MYH11: variants seen among roughly 807,000 people sequenced by gnomAD.
The protein encoded by MYH11 is myosin heavy chain 11, also known as myosin-11.
Under a neutral mutation model 246.6 loss-of-function variants are expected in MYH11, and 80 were observed. That is an observed-to-expected ratio of 0.32 (90% CI 0.27 to 0.39). The LOEUF (loss-of-function observed/expected upper bound fraction) is 0.39, where lower values mean the gene tolerates loss of function less well. Ranked by LOEUF, MYH11 falls within the 10% of genes least tolerant of loss-of-function variation. The pLI is 1.00. For missense variants in MYH11, 2,158 were observed against 2,546.8 expected, an observed-to-expected ratio of 0.85 and a Z score of 3.29; for synonymous variants, 1,071 against 1,015.5, an observed-to-expected ratio of 1.05 and a Z score of -1.04.
Position 15,763,879 on chromosome 16 carries a change from A to C in MYH11, c.1046T>G (p.Val349Gly). ...SEEEQLSILK[V>G]VSSVLQLGNI... is the part of the protein sequence containing the mutation. The stretch of plus-strand genomic sequence containing the variant: ...TCCAAGCTGCAGGACCGATGATACC[A>C]CCTTCAATATGGCTGAGGTGGGGAG... The change falls in exon 10 of 41, where the codon GTG becomes GGG. Residue 349 changes from valine to glycine, a missense_variant. Val to Gly is a moderately radical substitution (Grantham distance 109). Coordinates refer to ENST00000300036, the MANE Select transcript of MYH11 (RefSeq NM_002474.3). 1 of 1,613,184 alleles carries C rather than the reference A, an allele frequency of 6.2e-7. No individual in the cohort carries two copies. Among genetic ancestry groups the C allele is most frequent in the Non-Finnish European group, 8.5e-7 (1 of 1,179,372 alleles).
chr16:15,805,266 G>A (rs2042982744), intron 3 of MYH11, among the ~76,000 whole-genome samples: 1 of 152,168 alleles, frequency 6.6e-6, no homozygotes, highest in South Asian at 2.1e-4. Flanking sequence ...AAAGTGCTTT[G>A]AGAAAACGGT....
chr16:15,821,437 ATGTT>A (rs1447707003), intron 3 of MYH11, among the ~76,000 whole-genome samples: 5 of 152,202 alleles, frequency 3.3e-5, no homozygotes, highest in Non-Finnish European at 1.5e-5. Context: ...ACTTAAATAT[ATGTT>A]TAAGTTTTTC....
At chr16:15,721,144 GA>G (rs760954950) in intron 32 of MYH11, 93 bp from the exon 33 acceptor site, 98 of 1,431,288 alleles carry the variant, frequency 6.8e-5, no homozygotes, top group Non-Finnish European at 8.1e-5. Context: ...GGAGATCAGG[GA>G]GGTGGCTTTG....
At chr16:15,717,046 G>A (rs2040190411) in intron 38 of MYH11, 94 bp downstream of exon 38, 4 of 1,349,996 alleles carry the variant, frequency 3.0e-6, no homozygotes, top group Admixed American at 3.4e-5. Context: ...TTACAAGCCA[G>A]AACTGATGCT....
intron 37 of MYH11, chr16:15,718,025 T>C (rs1010174042): frequency 3.9e-6 from 2 of 509,366 alleles, no homozygotes; most frequent in Admixed American, 3.2e-5. Context: ...GAAAACGCAA[T>C]GAAAGAGCAT....
At chr16:15,804,144 ACTT>A (rs1336732354) in intron 3 of MYH11, among the ~76,000 whole-genome samples, 3 of 151,998 alleles carry the variant, frequency 2.0e-5, no homozygotes, top group African/African-American at 7.3e-5. Flanking sequence ...ACCCACCACC[ACTT>A]CTTCTCTGGC....
intron 40 of MYH11, chr16:15,712,882 G>GTTTTTTTTTTTTTTTTTTTGTTTTTTTT (rs59799809): frequency 1.1e-5 from 1 of 90,636 alleles, no homozygotes; most frequent in Non-Finnish European, 2.3e-5. Context: ...TTCACATACA[G>GTTTTTTTTTTTTTTTTTTTGTTTTTTTT]TTTTTTTTTT....
chr16:15,771,161 AT>A (rs113947945), intron 9 of MYH11, among the ~76,000 whole-genome samples: 4 of 149,236 alleles, frequency 2.7e-5, no homozygotes, highest in Non-Finnish European at 3.0e-5. Context: ...GCCCTGGCTA[AT>A]TTTTTTTTTG....
At chr16:15,845,761 G>A (rs184392628) in intron 1 of MYH11, among the ~76,000 whole-genome samples, 111 of 152,060 alleles carry the variant, frequency 7.3e-4, no homozygotes, top group African/African-American at 2.5e-3. Context: ...TGGAGGATGC[G>A]TAAGAGAAAT....
intron 3 of MYH11, among the ~76,000 whole-genome samples, chr16:15,802,223 G>C (rs973201197): frequency 6.6e-6 from 1 of 152,168 alleles, no homozygotes; most frequent in Admixed American, 6.5e-5. Context: ...TAACAGCTCC[G>C]ATCTCCCGAG....
At chr16:15,816,059 G>A (rs976161642) in intron 3 of MYH11, among the ~76,000 whole-genome samples, 1 of 152,158 alleles carries the variant, frequency 6.6e-6, no homozygotes, top group African/African-American at 2.4e-5. Context: ...AGATATGGAA[G>A]TTCTCAATGC....
chr16:15,748,573 C>G lies in MYH11; in HGVS notation c.2059-405G>C, dbSNP rs1380472426. 3.9e-5 allele frequency among the ~76,000 whole-genome samples: 6 copies of G among 152,152 alleles called. No individual in the cohort carries two copies. In the East Asian group the frequency reaches 1.2e-3, roughly 29 times the overall value. ...TGCCTGGACAACCACAGAAACCACC[C>G]ACCTGGTCTCTCTCTCTGGTCTTGC... On this transcript the variant is annotated intron_variant, in intron 16 of 40. Transcript: ENST00000300036.
intron 9 of MYH11, among the ~76,000 whole-genome samples, chr16:15,766,344 GGT>G (rs3073439): frequency 0.068 from 9,282 of 136,590 alleles, 323 homozygotes; most frequent in African/African-American, 0.11. Context: ...CATGTTTTTT[GGT>G]GTGTGTGTGT....
intron 6 of MYH11, among the ~76,000 whole-genome samples, chr16:15,781,492 C>T (rs973744048): frequency 6.6e-6 from 1 of 152,192 alleles, no homozygotes; most frequent in African/African-American, 2.4e-5. Context: ...CAGAGACCCC[C>T]TTCTCCTGGA....
At chr16:15,724,591 TCAGCG>T in intron 30 of MYH11, 51 bp downstream of exon 30, 1 of 1,612,010 alleles carries the variant, frequency 6.2e-7, no homozygotes, top group Non-Finnish European at 8.5e-7. Context: ...GCGGGGGATC[TCAGCG>T]CAGAGAAGTT....
Position 15,819,032 on chromosome 16 carries a change from C to T in MYH11, c.502+4223G>A, listed in dbSNP as rs144288460. Among the ~76,000 whole-genome samples the T allele has an allele frequency of 2.5e-4, 38 of 152,178 alleles. No individual in the cohort carries two copies. The East Asian group carries it at 4.9e-3, about 19-fold the overall frequency. On this transcript the variant is annotated intron_variant, in intron 3 of 40. Coordinates refer to ENST00000300036, the MANE Select transcript of MYH11 (RefSeq NM_002474.3). ...GTAGCTAGGACTACAGACTCACGCA[C>T]TGTGGCCAGCTAATTATTTTTTTGT...
At position 15,718,181 on chromosome 16, in the gene MYH11, A is replaced by G. The variant is rs1009731755; in HGVS notation, c.5295+134T>C. On this transcript the variant is annotated intron_variant, in intron 37 of 40. Transcript: ENST00000300036. ...GTAAGGGCCCTGGATCTCTACTCTC[A>G]GGCCCCACCACCCTCTTGTCCCTCA... 1.5e-5 allele frequency: 21 copies of G among 1,424,856 alleles called. No individual in the cohort carries two copies. The African/African-American group carries it at 2.8e-4, about 19-fold the overall frequency. The allele number at this position is 1,424,856 out of a possible 1,614,324, so 88.3% of individuals were successfully genotyped here.
At chr16:15,737,886 G>A (rs576745327) in intron 24 of MYH11, among the ~76,000 whole-genome samples, 7 of 152,156 alleles carry the variant, frequency 4.6e-5, no homozygotes, top group South Asian at 2.1e-4. Context: ...TCCGCCTCCC[G>A]GGTTCAAGCA....
At chr16:15,736,396 AGCCTCC>A (rs2041118618) in intron 25 of MYH11, among the ~76,000 whole-genome samples, 1 of 152,134 alleles carries the variant, frequency 6.6e-6, no homozygotes, top group African/African-American at 2.4e-5. Context: ...CTCCCATCTC[AGCCTCC>A]TGAGTAGCTG....
Sources: allele counts gnomAD v4.1 joint callset (sites outside exome capture counted in the v4.1 genomes callset), GRCh38; gene constraint gnomAD v4.1.1; transcripts MANE v1.5; gene names NCBI Gene and HGNC (gene_info 2026-07-23, HGNC 2026-07-21).